ZNF75D: variants seen among roughly 807,000 people sequenced by gnomAD.
ZNF75D encodes the protein zinc finger protein 75D, also known as zinc finger protein 75.
A neutral mutation model predicts 33.3 loss-of-function variants in ZNF75D; 33 were observed. That is an observed-to-expected ratio of 0.99 (90% confidence interval 0.75 to 1.32). The LOEUF is 1.32. ZNF75D is among the 40% of genes most tolerant of loss of function. The probability of loss-of-function intolerance (pLI) is 0.00; values close to 1 mark genes in which losing one functional copy is unlikely to be tolerated. For synonymous variants in ZNF75D, 113 were observed against 130.6 expected, an observed-to-expected ratio of 0.87 and a Z score of 0.92; for missense variants, 338 against 367.5, an observed-to-expected ratio of 0.92 and a Z score of 0.66.
intron 1 of ZNF75D, chrX:135,309,385 G>C (rs2084330161): frequency 3.4e-6 from 1 of 290,160 alleles, no homozygotes; most frequent in African/African-American, 2.8e-5. Context: ...GTGGGGAAGA[G>C]GTCCCCAGAT....
At chrX:135,290,026 G>A (rs782437562) in intron 6 of ZNF75D, among the ~76,000 whole-genome samples, 9 of 112,045 alleles carry the variant, frequency 8.0e-5, no homozygotes, top group African/African-American at 2.3e-4. Context: ...GTGTTACACC[G>A]CTTATCCCAA....
chrX:135,306,611 T>C (rs1261752576), intron 1 of ZNF75D, among the ~76,000 whole-genome samples: 2 of 112,065 alleles, frequency 1.8e-5, no homozygotes, highest in Admixed American at 9.5e-5. Flanking sequence ...TAAATTATGA[T>C]TGGGATTGCA....
intron 1 of ZNF75D, among the ~76,000 whole-genome samples, chrX:135,278,901 T>C (rs890006028): frequency 1.8e-5 from 2 of 111,979 alleles, no homozygotes; most frequent in African/African-American, 3.2e-5. Context: ...CAGTATTTTA[T>C]TGAGGATTTT....
chrX:135,335,619 G>A (rs782623612), intron 1 of ZNF75D, among the ~76,000 whole-genome samples: 2 of 112,188 alleles, frequency 1.8e-5, no homozygotes, highest in African/African-American at 3.2e-5. Context: ...ATCAAAAGCT[G>A]AGCTTGTGCT....
chrX:135,270,152 A>C (rs782364969), intron 1 of ZNF75D, among the ~76,000 whole-genome samples: 1 of 109,076 alleles, frequency 9.2e-6, no homozygotes, highest in South Asian at 3.9e-4. Context: ...TACAAAAAAA[A>C]ATAGAAAGCT....
In ZNF75D at chrX:135,294,217, T is replaced by A; in HGVS notation, c.-77A>T. 1 of 896,654 alleles carries A rather than the reference T, an allele frequency of 1.1e-6. No homozygotes were observed. The highest frequency in any genetic ancestry group is 2.5e-5 in the South Asian group (1 of 39,432). 73.9% of individuals were successfully genotyped at this position (896,654 alleles called of 1,213,427 possible). A position where few individuals can be genotyped will look rare whatever the true frequency, so the allele number is the denominator to read the frequency against. ...ACCACCTTTGACAAATCAGGGTGCA[T>A]CAGGTTGGTACCAAATCAATGAATT... On this transcript the variant is annotated 5_prime_UTR_variant, in exon 3 of 7. The change abolishes an upstream ATG in the 5' untranslated region. Transcript: ENST00000370766.
At chrX:135,299,399 T>A (rs2084181613) in intron 1 of ZNF75D, among the ~76,000 whole-genome samples, 1 of 112,399 alleles carries the variant, frequency 8.9e-6, no homozygotes, top group Non-Finnish European at 1.9e-5. Flanking sequence ...ATTGAGCATA[T>A]TTTCATGTGC....
intron 1 of ZNF75D, among the ~76,000 whole-genome samples, chrX:135,341,132 C>A (rs574344749): frequency 9.0e-6 from 1 of 111,430 alleles, no homozygotes; most frequent in Non-Finnish European, 1.9e-5. Context: ...AGATTGAGTG[C>A]ACAGAAGTCT....
rs60550937 is a variant in ZNF75D at position 135,289,627 on chromosome X, G to GACACAC, written c.823+1376_823+1381dup. ...TGAGACTCTGACACACACACACACA[G>GACACAC]ACACACACACACACACACACACACA... On this transcript the variant is annotated intron_variant, in intron 6 of 6. Coordinates refer to ENST00000370766, the MANE Select transcript of ZNF75D (RefSeq NM_007131.5). 8.8e-4 allele frequency among the ~76,000 whole-genome samples: 78 copies of GACACAC among 88,920 alleles called. 1 individual carries two copies. The highest frequency in any genetic ancestry group is 7.6e-3 in the Admixed American group (60 of 7,890). 77.2% of individuals were successfully genotyped at this position (88,920 alleles called of 115,157 possible).
intron 1 of ZNF75D, among the ~76,000 whole-genome samples, chrX:135,297,902 A>C (rs1230933350): frequency 8.9e-6 from 1 of 112,038 alleles, no homozygotes; most frequent in Non-Finnish European, 1.9e-5. Flanking sequence ...TGTTGGGTTT[A>C]TGGTAAGGGT....
chrX:135,306,678 C>T (rs56224000), intron 1 of ZNF75D, among the ~76,000 whole-genome samples: 28,137 of 111,156 alleles, frequency 0.25, 2,812 homozygotes, highest in South Asian at 0.44. Context: ...ATTGATCTTC[C>T]TTTTCAAAAA....
intron 1 of ZNF75D, among the ~76,000 whole-genome samples, chrX:135,265,008 C>T (rs781876497): frequency 4.5e-5 from 5 of 111,779 alleles, no homozygotes; most frequent in African/African-American, 1.6e-4. Flanking sequence ...ATCACGGGGT[C>T]AGAAGTTCGA....
intron 2 of ZNF75D, among the ~76,000 whole-genome samples, 168 bp downstream of exon 2, chrX:135,295,600 C>T (rs1556422672): frequency 8.9e-6 from 1 of 112,301 alleles, no homozygotes; most frequent in African/African-American, 3.2e-5. Context: ...TCCAGGCGAC[C>T]TGCCGCCTGT....
Position 135,335,328 on chromosome X carries a change from C to T in ZNF75D, c.-391+6440G>A, listed in dbSNP as rs145274589. On this transcript the variant is annotated intron_variant, in intron 1 of 6. Coordinates refer to ENST00000370766, the MANE Select transcript of ZNF75D (RefSeq NM_007131.5). ...ACTATCCCCTTTCCCTATTCCAGTG[C>T]ATCACGGGGAGCAGCTCCTGAATGC... Among the ~76,000 whole-genome samples, 27 of 111,051 alleles carry T rather than the reference C, an allele frequency of 2.4e-4. 1 individual carries two copies. The East Asian group carries it at 7.7e-3, about 32-fold the overall frequency.
In ZNF75D at chrX:135,291,484, C is replaced by A. The variant is rs78544936; in HGVS notation, c.684G>T (p.Leu228=). 8.3e-7 allele frequency: 1 copy of A among 1,211,819 alleles called. No homozygotes were observed. The highest frequency in any genetic ancestry group is 1.1e-6 in the Non-Finnish European group (1 of 895,464). The part of the protein sequence containing the change: ...KHWKMASKLI[L]PESLSLLTFE... The stretch of plus-strand genomic sequence containing the variant: ...AATAACAGCTCACCAGGGACTCAGG[C>A]AGGATGAGTTTAGATGCCATCTTCC... Residue 228 remains leucine, a synonymous_variant, in exon 5 of 7, where the codon CTG becomes CTT. Coordinates refer to ENST00000370766, the MANE Select transcript of ZNF75D (RefSeq NM_007131.5).
At chrX:135,272,270 C>T (rs1288988265) in intron 1 of ZNF75D, among the ~76,000 whole-genome samples, 4 of 101,252 alleles carry the variant, frequency 4.0e-5, no homozygotes, top group Non-Finnish European at 6.0e-5. Flanking sequence ...TCTAGCATGT[C>T]GGTTTCTGCT....
intron 1 of ZNF75D, among the ~76,000 whole-genome samples, chrX:135,268,167 A>G (rs1454652009): frequency 2.0e-5 from 2 of 97,651 alleles, no homozygotes; most frequent in African/African-American, 7.6e-5. Flanking sequence ...TGAATGGGGA[A>G]AAATTGAAAG....
chrX:135,259,947 T>C (rs1556415231), intron 1 of ZNF75D, among the ~76,000 whole-genome samples: 2 of 112,108 alleles, frequency 1.8e-5, no homozygotes. Context: ...AAATAGCTCT[T>C]ATTATTTTGA....
intron 1 of ZNF75D, among the ~76,000 whole-genome samples, chrX:135,307,625 G>T (rs1301511188): frequency 8.9e-6 from 1 of 111,738 alleles, no homozygotes; most frequent in East Asian, 2.8e-4. Context: ...TTTAGCATAA[G>T]ATTTTCCAAG....
Sources: gnomAD v4.1 joint callset for allele counts (sites outside exome capture counted in the v4.1 genomes callset) on GRCh38, gnomAD v4.1.1 for gene constraint, MANE v1.5 for transcripts, NCBI Gene and HGNC (gene_info 2026-07-23, HGNC 2026-07-21) for gene names.